VCL: variants seen among roughly 807,000 people sequenced by gnomAD.
VCL encodes the protein epididymis luminal protein 114.
VCL carries 47 observed loss-of-function variants against 125.7 expected under a neutral mutation model. The ratio of observed to expected loss-of-function variants is 0.37; its 90% CI spans 0.30 to 0.48. The LOEUF is 0.48. VCL is among the 20% of genes least tolerant of loss of function. The pLI is 0.99. For synonymous variants in VCL, 458 were observed against 514.6 expected (o/e 0.89, Z 1.49); for missense variants, 1,069 against 1,455.5 (o/e 0.73, Z 4.32).
chr10:74,114,473 G>C, intron 20 of VCL, 86 bp downstream of exon 20: 3 of 1,478,472 alleles, frequency 2.0e-6, no homozygotes, highest in Non-Finnish European at 2.8e-6. Flanking sequence ...GGTATGAGAG[G>C]GAGAAAAGCA....
At chr10:74,069,066 G>A (rs966063974) in intron 2 of VCL, among the ~76,000 whole-genome samples, 1 of 149,586 alleles carries the variant, frequency 6.7e-6, no homozygotes, top group Non-Finnish European at 1.5e-5. Flanking sequence ...TTGTTTGTTC[G>A]TTTGTTTTGG....
Position 74,097,259 on chromosome 10 carries a change from G to A in VCL, c.1799G>A (p.Ser600Asn). 6.2e-7 allele frequency: 1 copy of A among 1,614,162 alleles called. No homozygotes were observed. Among genetic ancestry groups the A allele is most frequent in the Non-Finnish European group, 8.5e-7 (1 of 1,180,018 alleles). Reference protein sequence around the residue: ...AMTQEVSDVFSDTTTPIKLLA... With the variant: ...AMTQEVSDVFNDTTTPIKLLA... The stretch of plus-strand genomic sequence containing the variant: ...ACTCAGGAAGTGTCAGATGTTTTCA[G>A]CGATACCACAACTCCCATCAAGCTG... Residue 600 changes from serine to asparagine, a missense_variant, in exon 13 of 22, where the codon AGC becomes AAC. By Grantham distance (46) the Ser-to-Asn change is conservative. Around this residue, in one of 6 missense-constraint regions of VCL, gnomAD observed 760 missense variants for 928.9 expected, o/e 0.82. Transcript: ENST00000211998. This position sits in a 1 kb window ranked among gnomAD's most constrained non-coding sequence, Gnocchi z 4.1.
chr10:74,089,966 G>T, intron 9 of VCL, 57 bp from the exon 10 acceptor site: 1 of 1,604,136 alleles, frequency 6.2e-7, no homozygotes, highest in South Asian at 1.1e-5. Flanking sequence ...GTTAAGTTTA[G>T]TAGAAAGGAG....
intron 2 of VCL, among the ~76,000 whole-genome samples, chr10:74,062,718 G>C (rs1841500314): frequency 6.6e-6 from 1 of 151,988 alleles, no homozygotes; most frequent in Non-Finnish European, 1.5e-5. Flanking sequence ...CTGAGTAGCT[G>C]GGACCACAGG....
At chr10:74,090,610 G>A (rs966383662) in intron 10 of VCL, among the ~76,000 whole-genome samples, 2 of 152,048 alleles carry the variant, frequency 1.3e-5, no homozygotes, top group East Asian at 1.9e-4. Flanking sequence ...GGGAAGAAGC[G>A]TAAGAATGTA....
At chr10:74,096,222 C>T (rs79014227) in intron 12 of VCL, among the ~76,000 whole-genome samples, 9,922 of 150,764 alleles carry the variant, frequency 0.066, 393 homozygotes, top group Middle Eastern at 0.13. Context: ...GTGGGCCGGG[C>T]ATGGTGGTAC....
chr10:74,011,084 T>C (rs1052481892), intron 1 of VCL, among the ~76,000 whole-genome samples: 1 of 143,784 alleles, frequency 7.0e-6, no homozygotes, highest in Non-Finnish European at 1.5e-5. Flanking sequence ...GGCAGGAGAA[T>C]CGTTTGAACC....
chr10:74,014,776 C>A (rs113283649), intron 1 of VCL, among the ~76,000 whole-genome samples: 3,077 of 152,234 alleles, frequency 0.02, 53 homozygotes, highest in East Asian at 0.062. Flanking sequence ...CCCACTGCAA[C>A]CTCCACCTCC....
rs747932867 is a variant in VCL, at chr10:74,095,675, G to C, written c.1563G>C (p.Gly521=). The change falls in exon 12 of 22, where the codon GGG becomes GGC. Residue 521 remains glycine, a synonymous_variant. Transcript: ENST00000211998. ...GTCCAGGTCAGGCTGCCATCCGGGGGCTTGTGGCCGAAGGGCATCGTCTGG... is the reference window on the plus strand; with the variant it reads ...GTCCAGGTCAGGCTGCCATCCGGGGCCTTGTGGCCGAAGGGCATCGTCTGG... ...DRGVGQAAIR[G]LVAEGHRLAN... is the part of the protein sequence containing the mutation. 1.9e-6 allele frequency: 3 copies of C among 1,613,950 alleles called. No homozygotes were observed. Among genetic ancestry groups the C allele is most frequent in the African/African-American group, 2.7e-5 (2 of 74,926 alleles).
chr10:74,045,542 G>C (rs972198038), intron 2 of VCL, among the ~76,000 whole-genome samples: 1 of 150,132 alleles, frequency 6.7e-6, no homozygotes, highest in Non-Finnish European at 1.5e-5. Flanking sequence ...AGAATCACTT[G>C]AATCCGGGTG....
intron 2 of VCL, among the ~76,000 whole-genome samples, chr10:74,044,445 A>C (rs1345571907): frequency 6.6e-6 from 1 of 152,222 alleles, no homozygotes; most frequent in African/African-American, 2.4e-5. Flanking sequence ...AAAAGAGGAA[A>C]TTTAAGTGGC....
At chr10:74,011,880 GTT>G (rs1430463274) in intron 1 of VCL, among the ~76,000 whole-genome samples, 3 of 152,248 alleles carry the variant, frequency 2.0e-5, no homozygotes, top group African/African-American at 7.2e-5. Flanking sequence ...AACTCGAAAT[GTT>G]TTACAAATGT....
chr10:74,016,185 G>T (rs1366128365), intron 1 of VCL, among the ~76,000 whole-genome samples: 1 of 151,946 alleles, frequency 6.6e-6, no homozygotes, highest in Non-Finnish European at 1.5e-5. Flanking sequence ...TTCAAAATCT[G>T]CTTCAGTTTT....
chr10:74,093,576 C>G (rs563418349), intron 10 of VCL, among the ~76,000 whole-genome samples: 1 of 152,206 alleles, frequency 6.6e-6, no homozygotes, highest in South Asian at 2.1e-4. Context: ...ATCACTTAAA[C>G]CCAGGAGTTA....
Position 74,107,233 on chromosome 10 carries a change from T to C in VCL, c.2438T>C (p.Leu813Pro), listed in dbSNP as rs762488785. 1.2e-6 allele frequency: 2 copies of C among 1,614,214 alleles called. No homozygotes were observed. Among genetic ancestry groups the C allele is most frequent in the Non-Finnish European group, 1.7e-6 (2 of 1,180,044 alleles). ...AVAGNISDPG[L>P]QKSFLDSGYR... ...AGTGAGGATGTCTTGTGTTTAGGACTGCAAAAGAGCTTCCTGGACTCAGGA... is the reference window on the plus strand; with the variant it reads ...AGTGAGGATGTCTTGTGTTTAGGACCGCAAAAGAGCTTCCTGGACTCAGGA... The change falls in exon 17 of 22, where the codon CTG becomes CCG. Residue 813 changes from leucine (L) to proline (P), a missense_variant. Around this residue, in one of 6 missense-constraint regions of VCL, gnomAD observed 760 missense variants for 928.9 expected, o/e 0.82. Transcript: ENST00000211998.
chr10:74,097,102 G>A lies in VCL; in HGVS notation c.1744-102G>A. ...CACAGTTAACAAATATTTATTGAAT[G>A]AAAGACTGAATAGATGAATGAATGT... On this transcript the variant is annotated intron_variant, in intron 12 of 21. Transcript: ENST00000211998. This position sits in a 1 kb window ranked among gnomAD's most constrained non-coding sequence, Gnocchi z 4.1. 5.3e-6 allele frequency: 8 copies of A among 1,522,742 alleles called. No homozygotes were observed. The South Asian group carries it at 9.0e-5, about 17-fold the overall frequency. The allele number at this position is 1,522,742 out of a possible 1,614,324, so 94.3% of individuals were successfully genotyped here.
chr10:74,024,628 CT>C (rs1840738325), intron 1 of VCL, among the ~76,000 whole-genome samples: 1 of 150,794 alleles, frequency 6.6e-6, no homozygotes, highest in Non-Finnish European at 1.5e-5. Context: ...AAAAAAAAGA[CT>C]TTTGCCATTG....
chr10:74,064,365 C>G (rs1029856452), intron 2 of VCL, among the ~76,000 whole-genome samples: 3 of 152,030 alleles, frequency 2.0e-5, no homozygotes, highest in African/African-American at 7.2e-5. Context: ...TTGAAGCTAT[C>G]TAGGGTCCCC....
rs565546734 is a variant in VCL, at chr10:74,083,497, G to A, written c.1006G>A (p.Ala336Thr). The change falls in exon 8 of 22, where the codon GCT (alanine) becomes ACT (threonine). Residue 336 changes from alanine to threonine, a missense_variant. Around this residue, in one of 6 missense-constraint regions of VCL, gnomAD observed 760 missense variants for 928.9 expected, o/e 0.82. Transcript: ENST00000211998. ...KMLGQMTDQV[A>T]DLRARGQGSS... ...GCTAGGGCAGATGACTGATCAAGTG[G>A]CTGACCTCCGTGCCAGGTAAAAGTT... is the stretch of plus-strand genomic sequence containing the variant. 4.3e-6 allele frequency: 7 copies of A among 1,613,984 alleles called. No individual in the cohort carries two copies. Among genetic ancestry groups the A allele is most frequent in the African/African-American group, 4.0e-5 (3 of 75,032 alleles).
Sources: gnomAD v4.1 joint callset for allele counts (sites outside exome capture counted in the v4.1 genomes callset) on GRCh38, gnomAD v4.1.1 for gene constraint, gnomAD v4.1.1 regional missense constraint, Gnocchi (gnomAD v3.1) non-coding constraint, MANE v1.5 for transcripts, NCBI Gene and HGNC (gene_info 2026-07-23, HGNC 2026-07-21) for gene names.